Variants in PTPRM observed in about 807,000 individuals in gnomAD.
The protein encoded by PTPRM is protein tyrosine phosphatase receptor type M, also known as receptor-type tyrosine-protein phosphatase mu.
PTPRM carries 47 observed loss-of-function variants against 186.7 expected under a neutral mutation model. That is an observed-to-expected ratio of 0.25 (90% confidence interval 0.20 to 0.32). The LOEUF (loss-of-function observed/expected upper bound fraction) is 0.32. PTPRM is among the 10% of genes least tolerant of loss of function. The pLI, the probability that PTPRM is intolerant of heterozygous loss-of-function variation, is 1.00. For synonymous variants in PTPRM, 668 were observed against 674.9 expected (o/e 0.99, Z 0.16); for missense variants, 1,494 against 1,865.0 (o/e 0.80, Z 3.66).
intron 7 of PTPRM, among the ~76,000 whole-genome samples, chr18:8,045,818 A>G (rs770924718): frequency 1.6e-4 from 25 of 152,248 alleles, no homozygotes; most frequent in Admixed American, 1.1e-3. Flanking sequence ...ATTTTATGAC[A>G]TATTAACTAT....
chr18:8,243,355 T>G (rs72911283), intron 14 of PTPRM, among the ~76,000 whole-genome samples: 7,016 of 152,280 alleles, frequency 0.046, 198 homozygotes, highest in Non-Finnish European at 0.07. Flanking sequence ...GACATGACAT[T>G]TTTTAACCTT....
intron 2 of PTPRM, among the ~76,000 whole-genome samples, chr18:7,870,304 C>T (rs2047920213): frequency 1.3e-5 from 2 of 152,206 alleles, no homozygotes; most frequent in African/African-American, 4.8e-5. Flanking sequence ...GGCTGCTGTG[C>T]TGCAACTTGG....
intron 1 of PTPRM, among the ~76,000 whole-genome samples, chr18:7,610,685 T>G (rs1478573022): frequency 6.6e-6 from 1 of 152,326 alleles, no homozygotes; most frequent in East Asian, 1.9e-4. Context: ...ATTATTTGTG[T>G]TTGTGGTGAT....
chr18:8,068,693 A>G (rs1047189985), intron 7 of PTPRM, among the ~76,000 whole-genome samples: 1 of 152,186 alleles, frequency 6.6e-6, no homozygotes, highest in African/African-American at 2.4e-5. Flanking sequence ...TCAGAAGTTT[A>G]TGTTCTCTTA....
At chr18:7,785,588 A>T (rs866860546) in intron 2 of PTPRM, among the ~76,000 whole-genome samples, 5 of 152,254 alleles carry the variant, frequency 3.3e-5, no homozygotes, top group African/African-American at 1.2e-4. Flanking sequence ...TACAAGAGAC[A>T]TTAATTGAGG....
At chr18:7,778,133 A>G (rs1339164106) in intron 2 of PTPRM, among the ~76,000 whole-genome samples, 1 of 152,114 alleles carries the variant, frequency 6.6e-6, no homozygotes, top group Non-Finnish European at 1.5e-5. Flanking sequence ...CCATATCCTT[A>G]TGTGTGAGGT....
chr18:8,364,307 G>A (rs936455572), intron 23 of PTPRM, among the ~76,000 whole-genome samples: 2 of 152,082 alleles, frequency 1.3e-5, no homozygotes, highest in African/African-American at 2.4e-5. Context: ...AAACAGGCTC[G>A]GGGTGGAAGT....
chr18:8,325,315 C>T (rs35933807), intron 22 of PTPRM, among the ~76,000 whole-genome samples: 9,985 of 152,232 alleles, frequency 0.066, 356 homozygotes, highest in East Asian at 0.089. Flanking sequence ...TCCCTCCTCC[C>T]ACCCTCTACC....
chr18:8,234,859 C>T (rs1444516744), intron 14 of PTPRM, among the ~76,000 whole-genome samples: 1 of 152,032 alleles, frequency 6.6e-6, no homozygotes, highest in Non-Finnish European at 1.5e-5. Flanking sequence ...ACTTTTCTTC[C>T]ATAGCCTGTC....
At chr18:7,989,229 G>A (rs2083132090) in intron 7 of PTPRM, among the ~76,000 whole-genome samples, 3 of 151,742 alleles carry the variant, frequency 2.0e-5, no homozygotes, top group South Asian at 4.2e-4. Context: ...TACAGGCAAA[G>A]TAACAGGAAA....
chr18:8,244,111 C>T lies in PTPRM; in HGVS notation c.2354C>T (p.Thr785Ile). 1 of 1,609,472 alleles carries T rather than the reference C, an allele frequency of 6.2e-7. No individual in the cohort carries two copies. The highest frequency in any genetic ancestry group is 8.5e-7 in the Non-Finnish European group (1 of 1,178,600). The change falls in exon 15 of 33, where the codon ACT becomes ATT. Residue 785 changes from threonine (T) to isoleucine (I), a missense_variant. Physicochemically the swap from Thr to Ile is moderately conservative, Grantham distance 89. Around this residue, in one of 3 missense-constraint regions of PTPRM, gnomAD observed 1,107 missense variants for 1,350.2 expected, o/e 0.82. Transcript: ENST00000580170. ...ATGAGCAGCACCCGACAGGAGATGA[C>T]TGTGATGGTGAACTCAATGGACAAG... ...ETMSSTRQEM[T>I]VMVNSMDKSY...
intron 1 of PTPRM, among the ~76,000 whole-genome samples, chr18:7,648,321 C>T (rs959861815): frequency 1.3e-5 from 2 of 152,104 alleles, no homozygotes; most frequent in South Asian, 4.2e-4. Flanking sequence ...TTTCCTGAGA[C>T]TCAACAATAT....
At chr18:8,146,739 C>G (rs1017176041) in intron 14 of PTPRM, among the ~76,000 whole-genome samples, 2 of 152,146 alleles carry the variant, frequency 1.3e-5, no homozygotes, top group African/African-American at 4.8e-5. Flanking sequence ...TGCCTGTGCT[C>G]TGAATGGTAT....
chr18:7,663,919 C>T (rs1262815688), intron 1 of PTPRM, among the ~76,000 whole-genome samples: 1 of 152,178 alleles, frequency 6.6e-6, no homozygotes, highest in Non-Finnish European at 1.5e-5. Context: ...ACAGATGACT[C>T]ATGCCTTAGC....
intron 20 of PTPRM, among the ~76,000 whole-genome samples, chr18:8,308,422 G>A (rs1282004829): frequency 1.3e-5 from 2 of 152,172 alleles, no homozygotes; most frequent in East Asian, 1.9e-4. Flanking sequence ...CAAGCCACAT[G>A]TATAATATTA....
chr18:8,317,017 G>C (rs1420862850), intron 21 of PTPRM, among the ~76,000 whole-genome samples: 1 of 152,190 alleles, frequency 6.6e-6, no homozygotes, highest in Admixed American at 6.5e-5. Flanking sequence ...GATATGGGGA[G>C]AGGTCATGGG....
At chr18:7,674,168 TA>T (rs1009355855) in intron 1 of PTPRM, among the ~76,000 whole-genome samples, 2 of 151,832 alleles carry the variant, frequency 1.3e-5, no homozygotes, top group Admixed American at 6.6e-5. Flanking sequence ...TTGGAGTGTT[TA>T]AAAAAAACAC....
intron 7 of PTPRM, among the ~76,000 whole-genome samples, chr18:7,984,748 T>G (rs2082765561): frequency 7.3e-6 from 1 of 137,706 alleles, no homozygotes; most frequent in Non-Finnish European, 1.5e-5. Context: ...CATATAAAAT[T>G]ATATACACAT....
At chr18:8,186,325 C>CAAAA (rs5822996) in intron 14 of PTPRM, among the ~76,000 whole-genome samples, 2 of 94,770 alleles carry the variant, frequency 2.1e-5, no homozygotes, top group African/African-American at 7.5e-5. Flanking sequence ...TACTCCATCT[C>CAAAA]AAAAAAAAAA....
Sources: gnomAD v4.1 joint callset for allele counts (sites outside exome capture counted in the v4.1 genomes callset) on GRCh38, gnomAD v4.1.1 for gene constraint, gnomAD v4.1.1 regional missense constraint, MANE v1.5 for transcripts, NCBI Gene and HGNC (gene_info 2026-07-23, HGNC 2026-07-21) for gene names.